The following VIP variants were observed in gnomAD, a reference collection of about 807,000 sequenced individuals.
VIP encodes the protein vasoactive intestinal peptide.
A neutral mutation model predicts 20.1 loss-of-function variants in VIP; 18 were observed. That is an observed-to-expected ratio of 0.90 (90% CI 0.62 to 1.33). VIP has a LOEUF of 1.33. Among genes scored for constraint, VIP ranks in the 40% most tolerant of loss-of-function variants. The pLI, the probability that VIP is intolerant of heterozygous loss-of-function variation, is 0.00. For synonymous variants in VIP, 70 were observed against 68.1 expected (o/e 1.03, Z -0.14); for missense variants, 209 against 199.4 (o/e 1.05, Z -0.29).
chr6:152,756,057 C>A, intron 4 of VIP, 77 bp from the exon 5 acceptor site: 1 of 1,384,346 alleles, frequency 7.2e-7, no homozygotes, highest in South Asian at 2.0e-5. Context: ...TTATGTGGCT[C>A]CAAGAAACCT....
chr6:152,755,219 C>A, intron 3 of VIP, 50 bp from the exon 4 acceptor site: 1 of 1,242,140 alleles, frequency 8.1e-7, no homozygotes, highest in Non-Finnish European at 1.1e-6. Flanking sequence ...TAATAATATT[C>A]TAGAAAGCCA....
rs192492654 is a variant in VIP, at chr6:152,752,819, T to G, written c.107+535T>G. Among the ~76,000 whole-genome samples, 1,146 of 152,214 alleles carry G rather than the reference T, an allele frequency of 7.5e-3. 12 individuals are homozygous for G. Among genetic ancestry groups the G allele is most frequent in the African/African-American group, 0.025 (1,049 of 41,552 alleles). ...GATCTATTGAGATACACTCCCCCAA[T>G]AGGAAAATTTTGATATACTTTGTTT... On this transcript the variant is annotated intron_variant, in intron 2 of 6. Transcript: ENST00000367244.
intron 2 of VIP, among the ~76,000 whole-genome samples, chr6:152,753,799 T>C (rs531561728): frequency 1.3e-5 from 2 of 152,118 alleles, no homozygotes; most frequent in Admixed American, 6.6e-5. Flanking sequence ...TGCAAGTTTC[T>C]ATTTTGCATA....
chr6:152,757,948 T>C (rs537200387), intron 6 of VIP, among the ~76,000 whole-genome samples: 1 of 152,076 alleles, frequency 6.6e-6, no homozygotes, highest in East Asian at 1.9e-4. Flanking sequence ...GGGCAAGTGC[T>C]TAAAGAAATT....
intron 4 of VIP, 138 bp downstream of exon 4, chr6:152,755,511 A>T: frequency 1.8e-6 from 1 of 545,756 alleles, no homozygotes. Context: ...AAATGAAATA[A>T]CTTGTATTCT....
Position 152,755,343 on chromosome 6 carries a change from A to T in VIP, c.305A>T (p.Tyr102Phe). The change falls in exon 4 of 7, where the codon TAC (tyrosine) becomes TTC (phenylalanine). Residue 102 changes from tyrosine (Y) to phenylalanine (F), a missense_variant. Tyr to Phe is a conservative substitution (Grantham distance 22). Transcript: ENST00000367244. The part of the protein sequence containing the change: ...KLLGQLSAKK[Y>F]LESLMGKRVS... ...TTGGGTCAACTTTCTGCCAAAAAGT[A>T]CCTTGAGTCTCTTATGGGAAAACGT... 1.9e-6 allele frequency: 3 copies of T among 1,593,204 alleles called. No homozygotes were observed. Among genetic ancestry groups the T allele is most frequent in the Non-Finnish European group, 2.6e-6 (3 of 1,169,578 alleles).
chr6:152,754,344 A>G (rs891727232), intron 3 of VIP, 56 bp downstream of exon 3: 1 of 1,519,526 alleles, frequency 6.6e-7, no homozygotes, highest in South Asian at 1.3e-5. Flanking sequence ...AATGTGTTTA[A>G]GAACTATAAA....
At position 152,752,236 on chromosome 6, in the gene VIP, T is replaced by C; in HGVS notation, c.59T>C (p.Phe20Ser). ...CTCCTGACTCTTCTCAGTGTGCTCT[T>C]CTCACAGACTTCGGCATGGCCTCTT... is the stretch of plus-strand genomic sequence containing the variant. ...LVLLTLLSVL[F>S]SQTSAWPLYR... Residue 20 changes from phenylalanine (F) to serine (S), a missense_variant, in exon 2 of 7, where the codon TTC (phenylalanine) becomes TCC (serine). Coordinates refer to ENST00000367244, the MANE Select transcript of VIP (RefSeq NM_003381.4). The C allele has an allele frequency of 6.2e-7, 1 of 1,613,642 alleles. No homozygotes were observed. Among genetic ancestry groups the C allele is most frequent in the Non-Finnish European group, 8.5e-7 (1 of 1,179,698 alleles).
At chr6:152,755,632 A>G (rs1475467095) in intron 4 of VIP, among the ~76,000 whole-genome samples, 1 of 151,890 alleles carries the variant, frequency 6.6e-6, no homozygotes, top group Non-Finnish European at 1.5e-5. Flanking sequence ...CTGCAATCAA[A>G]TTGAACAAGA....
chr6:152,758,610 G>A (rs2099730769), intron 6 of VIP, among the ~76,000 whole-genome samples: 1 of 151,972 alleles, frequency 6.6e-6, no homozygotes, highest in South Asian at 2.1e-4. Context: ...TTTTTAAATG[G>A]GTGGCTTTGG....
At chr6:152,757,776 A>AT (rs942799802) in intron 6 of VIP, among the ~76,000 whole-genome samples, 3 of 151,824 alleles carry the variant, frequency 2.0e-5, no homozygotes, top group African/African-American at 4.8e-5. Context: ...CTCTGCCAAC[A>AT]TTTTTTTTGA....
chr6:152,754,098 G>A, intron 2 of VIP, 68 bp from the exon 3 acceptor site: 1 of 1,510,846 alleles, frequency 6.6e-7, no homozygotes, highest in Non-Finnish European at 8.9e-7. Context: ...ATTTTAAATG[G>A]TTGCGGAACC....
Position 152,751,627 on chromosome 6 carries a change from A to G in VIP, c.-10-541A>G, listed in dbSNP as rs115698058. ...CAGGTGTAAGGAAATAAGTTTCCGT[A>G]ATATCTACAATTGAAAGAGGAAAAA... On this transcript the variant is annotated intron_variant, in intron 1 of 6. Transcript: ENST00000367244. 6.8e-3 allele frequency among the ~76,000 whole-genome samples: 1,031 copies of G among 152,280 alleles called. 13 individuals carry two copies. Among genetic ancestry groups the G allele is most frequent in the African/African-American group, 0.024 (996 of 41,566 alleles).
chr6:152,755,953 C>A (rs115634472), intron 4 of VIP, among the ~76,000 whole-genome samples, 181 bp from the exon 5 acceptor site: 2,738 of 151,958 alleles, frequency 0.018, 76 homozygotes, highest in African/African-American at 0.062. Context: ...CAAAATATGG[C>A]AGATGATTCC....
chr6:152,755,138 C>T, intron 3 of VIP, 131 bp from the exon 4 acceptor site: 1 of 529,586 alleles, frequency 1.9e-6, no homozygotes, highest in Non-Finnish European at 3.3e-6. Context: ...TAAGAAATCT[C>T]CTTTTGAACT....
intron 6 of VIP, among the ~76,000 whole-genome samples, chr6:152,758,607 A>G (rs2099730768): frequency 6.6e-6 from 1 of 152,010 alleles, no homozygotes; most frequent in African/African-American, 2.4e-5. Context: ...TCTTTTTTAA[A>G]TGGGTGGCTT....
chr6:152,755,259 C>A lies in VIP; in HGVS notation c.231-10C>A. 2 of 1,537,426 alleles carry A rather than the reference C, an allele frequency of 1.3e-6. No homozygotes were observed. Among genetic ancestry groups the A allele is most frequent in the South Asian group, 2.6e-5 (2 of 77,244 alleles). ...CAAAATAATAGCTATTTTTTTCTTCCTTGTTTTAGAAATGCCAGGCATGCT... is the reference window on the plus strand; with the variant it reads ...CAAAATAATAGCTATTTTTTTCTTCATTGTTTTAGAAATGCCAGGCATGCT... On this transcript the variant is annotated splice_polypyrimidine_tract_variant and intron_variant, in intron 3 of 6. Coordinates refer to ENST00000367244, the MANE Select transcript of VIP (RefSeq NM_003381.4).
chr6:152,756,293 G>A (rs752898945), intron 5 of VIP, 28 bp downstream of exon 5: 1 of 1,595,788 alleles, frequency 6.3e-7, no homozygotes, highest in Non-Finnish European at 8.5e-7. Flanking sequence ...TTGCTAAAAT[G>A]AGGAATCATG....
At chr6:152,752,721 CAT>C (rs2099729837) in intron 2 of VIP, among the ~76,000 whole-genome samples, 1 of 152,020 alleles carries the variant, frequency 6.6e-6, no homozygotes, top group Non-Finnish European at 1.5e-5. Context: ...ATTAGTGAAA[CAT>C]GTATAAAATC....
Sources: allele counts gnomAD v4.1 joint callset (sites outside exome capture counted in the v4.1 genomes callset), GRCh38; gene constraint gnomAD v4.1.1; transcripts MANE v1.5; gene names NCBI Gene and HGNC (gene_info 2026-07-23, HGNC 2026-07-21).